CACNA2D1: variants seen among roughly 807,000 people sequenced by gnomAD.
CACNA2D1 encodes the protein voltage-dependent calcium channel subunit alpha-2/delta-1.
In CACNA2D1, 53 loss-of-function variants were observed where a neutral mutation model predicts 171.5. The ratio of observed to expected loss-of-function variants is 0.31; its 90% CI spans 0.25 to 0.39. The LOEUF (loss-of-function observed/expected upper bound fraction) is 0.39, where lower values mean the gene tolerates loss of function less well. Ranked by LOEUF, CACNA2D1 falls within the 10% of genes least tolerant of loss-of-function variation. CACNA2D1 has a pLI of 1.00. For missense variants in CACNA2D1, 903 were observed against 1,299.8 expected (o/e 0.69, Z 4.69); for synonymous variants, 442 against 443.1 (o/e 1.00, Z 0.03).
chr7:82,036,676 C>G lies in CACNA2D1; in HGVS notation c.1038+1401G>C, dbSNP rs185279903. On this transcript the variant is annotated intron_variant, in intron 11 of 38. Coordinates refer to ENST00000356860, the MANE Select transcript of CACNA2D1 (RefSeq NM_000722.4). ...TACTTCTATAATTCCAGCACCAGCA[C>G]TATGACAGGAAATGGTGATGCATTC... Among the ~76,000 whole-genome samples, 388 of 152,200 alleles carry G rather than the reference C, an allele frequency of 2.5e-3. 2 individuals carry two copies. The highest frequency in any genetic ancestry group is 4.1e-3 in the Non-Finnish European group (281 of 68,020).
chr7:82,344,028 A>G (rs1563400831), intron 2 of CACNA2D1, among the ~76,000 whole-genome samples: 2 of 152,216 alleles, frequency 1.3e-5, no homozygotes, highest in Non-Finnish European at 2.9e-5. Flanking sequence ...AAAGAATTTC[A>G]TACACTCAGA....
chr7:82,062,956 A>T (rs1396812360), intron 9 of CACNA2D1, among the ~76,000 whole-genome samples: 1 of 151,962 alleles, frequency 6.6e-6, no homozygotes, highest in East Asian at 1.9e-4. Flanking sequence ...TTTGTTGCTC[A>T]GGCTGGTCTC....
At chr7:82,173,835 G>A (rs1796284325) in intron 3 of CACNA2D1, among the ~76,000 whole-genome samples, 1 of 151,814 alleles carries the variant, frequency 6.6e-6, no homozygotes, top group African/African-American at 2.4e-5. Flanking sequence ...CTTGAGGCCA[G>A]GAGTTCAAGA....
At chr7:81,975,027 T>TAAAAAA (rs59316260) in intron 24 of CACNA2D1, among the ~76,000 whole-genome samples, 4 of 148,582 alleles carry the variant, frequency 2.7e-5, no homozygotes. Context: ...GAACTTAAAA[T>TAAAAAA]AAAAAAAAAA....
intron 3 of CACNA2D1, among the ~76,000 whole-genome samples, chr7:82,302,622 A>G (rs1460230811): frequency 1.3e-5 from 2 of 152,144 alleles, no homozygotes; most frequent in African/African-American, 4.8e-5. Context: ...CATGTTGGTC[A>G]GGCTGGTCTC....
intron 1 of CACNA2D1, among the ~76,000 whole-genome samples, chr7:82,438,455 CAT>C (rs1159921902): frequency 6.6e-6 from 1 of 152,088 alleles, no homozygotes; most frequent in Admixed American, 6.6e-5. Context: ...AAGGTAGTAA[CAT>C]AGTATTTTTT....
At chr7:82,016,615 C>T (rs891838125) in intron 12 of CACNA2D1, among the ~76,000 whole-genome samples, 2 of 129,644 alleles carry the variant, frequency 1.5e-5, no homozygotes, top group African/African-American at 2.7e-5. Context: ...CGCCCGCCCC[C>T]CCCCCCCAAA....
At chr7:82,283,642 A>G (rs554401964) in intron 3 of CACNA2D1, among the ~76,000 whole-genome samples, 2 of 151,652 alleles carry the variant, frequency 1.3e-5, no homozygotes, top group Admixed American at 6.6e-5. Flanking sequence ...AGATTCTTAT[A>G]TACTAACAAT....
rs780882992 is a variant in CACNA2D1, at chr7:82,003,744, C to CT, written c.1590+1678dup. Among the ~76,000 whole-genome samples the CT allele has an allele frequency of 4.8e-3, 655 of 137,110 alleles. 4 individuals carry two copies. The highest frequency in any genetic ancestry group is 0.018 in the East Asian group (87 of 4,784). The allele number at this position is 137,110 out of a possible 152,430, so 89.9% of individuals were successfully genotyped here. ...ATCCTTCACACCCTTCATCACATTA[C>CT]TTTTTTTTTTTTTTTTTGAGATGGA... On this transcript the variant is annotated intron_variant, in intron 18 of 38. Coordinates refer to ENST00000356860, the MANE Select transcript of CACNA2D1 (RefSeq NM_000722.4).
rs577109671 is a variant in CACNA2D1 at position 82,261,267 on chromosome 7, T to A, written c.294+73868A>T. 1.2e-4 allele frequency among the ~76,000 whole-genome samples: 18 copies of A among 152,316 alleles called. No individual in the cohort carries two copies. The South Asian group carries it at 2.3e-3, about 19-fold the overall frequency. On this transcript the variant is annotated intron_variant, in intron 3 of 38. Transcript: ENST00000356860. ...GCCGCACCCGGCCTGGACCACTTTT[T>A]ATAGTGTCTCCCAGAACCTGGATGC... is the stretch of plus-strand genomic sequence containing the variant.
chr7:81,983,951 C>A (rs371968449), intron 22 of CACNA2D1, among the ~76,000 whole-genome samples: 2 of 152,030 alleles, frequency 1.3e-5, no homozygotes, highest in African/African-American at 4.8e-5. Context: ...CGGCAGTGTG[C>A]AAAGGATATG....
At chr7:82,399,642 T>A (rs1054940503) in intron 1 of CACNA2D1, among the ~76,000 whole-genome samples, 2 of 152,020 alleles carry the variant, frequency 1.3e-5, no homozygotes, top group Non-Finnish European at 2.9e-5. Flanking sequence ...TTCCTTTTTA[T>A]AAACAGATAA....
At chr7:82,426,226 A>G (rs2129458146) in intron 1 of CACNA2D1, among the ~76,000 whole-genome samples, 1 of 152,190 alleles carries the variant, frequency 6.6e-6, no homozygotes, top group African/African-American at 2.4e-5. Flanking sequence ...ACCTTAAATT[A>G]GTCATCAGTC....
intron 1 of CACNA2D1, among the ~76,000 whole-genome samples, chr7:82,393,083 A>AAGGCAGGCAGGC (rs1204828684): frequency 1.2e-5 from 1 of 82,366 alleles, no homozygotes; most frequent in Non-Finnish European, 2.4e-5. Flanking sequence ...GGAAGGAAGG[A>AAGGCAGGCAGGC]AGGCAGGCAG....
At chr7:81,989,896 T>C (rs1797353617) in intron 21 of CACNA2D1, among the ~76,000 whole-genome samples, 1 of 152,166 alleles carries the variant, frequency 6.6e-6, no homozygotes, top group East Asian at 1.9e-4. Flanking sequence ...AAGGGATTGA[T>C]GGATTTCATG....
At chr7:82,347,526 C>G (rs1208413742) in intron 2 of CACNA2D1, among the ~76,000 whole-genome samples, 4 of 152,144 alleles carry the variant, frequency 2.6e-5, no homozygotes, top group African/African-American at 9.7e-5. Flanking sequence ...TATTCAACTT[C>G]TGGTCCTCAC....
intron 1 of CACNA2D1, among the ~76,000 whole-genome samples, chr7:82,407,582 AATTT>A (rs1422664633): frequency 1.3e-5 from 2 of 152,194 alleles, no homozygotes; most frequent in East Asian, 3.9e-4. Flanking sequence ...TTCCAAATAC[AATTT>A]ATTAGTAACA....
intron 1 of CACNA2D1, among the ~76,000 whole-genome samples, chr7:82,350,482 G>A (rs766883804): frequency 9.2e-5 from 14 of 152,038 alleles, no homozygotes; most frequent in Non-Finnish European, 1.3e-4. Context: ...TGGCTAACAC[G>A]GTGAAACCCC....
At chr7:81,967,480 A>C (rs1794831681) in intron 30 of CACNA2D1, 116 bp downstream of exon 30, 1 of 660,990 alleles carries the variant, frequency 1.5e-6, no homozygotes, top group Non-Finnish European at 2.7e-6. Flanking sequence ...TCAGAATTCT[A>C]CTTCAGTGTA....
Sources: gnomAD v4.1 joint callset for allele counts (sites outside exome capture counted in the v4.1 genomes callset) on GRCh38, gnomAD v4.1.1 for gene constraint, MANE v1.5 for transcripts, NCBI Gene and HGNC (gene_info 2026-07-23, HGNC 2026-07-21) for gene names.